ZNF398: variants seen among roughly 807,000 people sequenced by gnomAD.
ZNF398 encodes the protein zinc finger protein 398.
Under a neutral mutation model 41.9 loss-of-function variants are expected in ZNF398, and 18 were observed. The observed-to-expected ratio is 0.43, with a 90% CI of 0.30 to 0.64. The LOEUF (loss-of-function observed/expected upper bound fraction) is 0.64, where lower values mean the gene tolerates loss of function less well. Among genes scored for constraint, ZNF398 ranks in the 30% least tolerant of loss-of-function variants. The pLI, the probability that ZNF398 is intolerant of heterozygous loss-of-function variation, is 0.14. For missense variants in ZNF398, 669 were observed against 822.8 expected (o/e 0.81, Z 2.29); for synonymous variants, 260 against 308.8 (o/e 0.84, Z 1.66).
intron 2 of ZNF398, among the ~76,000 whole-genome samples, chr7:149,164,102 A>G (rs1414778948): frequency 6.6e-6 from 1 of 150,894 alleles, no homozygotes; most frequent in Non-Finnish European, 1.5e-5. Context: ...ATGGAGCAAG[A>G]CTCCATCTTA....
intron 1 of ZNF398, among the ~76,000 whole-genome samples, chr7:149,127,044 G>A (rs561098287): frequency 6.6e-5 from 10 of 152,348 alleles, no homozygotes; most frequent in African/African-American, 2.4e-4. Flanking sequence ...AGCCCCCGGC[G>A]GGAGACTGTG....
chr7:149,143,202 T>A (rs1212878153), upstream of ZNF398, among the ~76,000 whole-genome samples: 3 of 152,288 alleles, frequency 2.0e-5, no homozygotes, highest in East Asian at 5.8e-4. Context: ...TTTGAAACTG[T>A]CTTGTTTTAC....
chr7:149,179,466 C>G lies in ZNF398; in HGVS notation c.1594C>G (p.Leu532Val), dbSNP rs1005437657. The change falls in exon 6 of 6, where the codon CTG (leucine) becomes GTG (valine). Residue 532 changes from leucine to valine, a missense_variant. Physicochemically the swap from Leu to Val is conservative, Grantham distance 32 (BLOSUM62 1). Coordinates refer to ENST00000475153, the MANE Select transcript of ZNF398 (RefSeq NM_170686.3). The surrounding 1 kb of genome is among the most constrained non-coding windows in gnomAD (Gnocchi z 6.1). ...GGAGCACCTGCTGAACCACCGGCGG[C>G]TGCACACAGGCGAGCGGCCCTTCAG... ...RKEHLLNHRR[L>V]HTGERPFSCP... 6.2e-7 allele frequency: 1 copy of G among 1,613,994 alleles called. No individual in the cohort carries two copies. The highest frequency in any genetic ancestry group is 8.5e-7 in the Non-Finnish European group (1 of 1,180,020).
Position 149,147,893 on chromosome 7 carries a change from G to T in ZNF398, c.24+127G>T. On this transcript the variant is annotated intron_variant, in intron 1 of 5. Transcript: ENST00000475153. This position sits in a 1 kb window ranked among gnomAD's most constrained non-coding sequence, Gnocchi z 5.6. ...GGTCCCGCCGGCCACGTCGCCTGTC[G>T]CCCGTGCTTGGCGGCTGCAGCCTCG... 8.7e-7 allele frequency: 1 copy of T among 1,148,848 alleles called. No homozygotes were observed. The highest frequency in any genetic ancestry group is 1.1e-6 in the Non-Finnish European group (1 of 897,874). The allele number at this position is 1,148,848 out of a possible 1,614,324, so 71.2% of individuals were successfully genotyped here. A position where few individuals can be genotyped will look rare whatever the true frequency, so the allele number is the denominator to read the frequency against.
intron 2 of ZNF398, among the ~76,000 whole-genome samples, chr7:149,141,971 CAG>C (rs1826835454): frequency 6.6e-6 from 1 of 152,042 alleles, no homozygotes; most frequent in African/African-American, 2.4e-5. Flanking sequence ...TTGTTTAAGA[CAG>C]GGTCTCGCTT....
intron 2 of ZNF398, among the ~76,000 whole-genome samples, chr7:149,137,594 C>T (rs983280558): frequency 2.6e-5 from 4 of 152,036 alleles, no homozygotes; most frequent in African/African-American, 9.7e-5. Context: ...ATTGGTCAGG[C>T]TGGTCTTGAA....
intron 2 of ZNF398, among the ~76,000 whole-genome samples, chr7:149,131,256 C>CTTA (rs1394307887): frequency 9.2e-5 from 14 of 152,154 alleles, no homozygotes; most frequent in Non-Finnish European, 1.9e-4. Flanking sequence ...ACAAAAAATT[C>CTTA]TTATTACGTG....
chr7:149,177,502 G>GCCACAATTGTATC (rs891922826), intron 5 of ZNF398, among the ~76,000 whole-genome samples: 1 of 152,192 alleles, frequency 6.6e-6, no homozygotes, highest in Non-Finnish European at 1.5e-5. Context: ...AGGGCATAAA[G>GCCACAATTGTATC]CCACAATTGT....
chr7:149,161,959 T>C (rs1795113521), intron 2 of ZNF398, among the ~76,000 whole-genome samples: 1 of 152,132 alleles, frequency 6.6e-6, no homozygotes, highest in Non-Finnish European at 1.5e-5. Context: ...TCTGAAACAC[T>C]AGGAAGAAGA....
chr7:149,127,601 C>G (rs1826512688), intron 1 of ZNF398, among the ~76,000 whole-genome samples: 1 of 148,832 alleles, frequency 6.7e-6, no homozygotes, highest in Non-Finnish European at 1.5e-5. Flanking sequence ...CCTGTAGTCC[C>G]AGCTCCTAGG....
At position 149,179,441 on chromosome 7, in the gene ZNF398, G is replaced by A; in HGVS notation, c.1569G>A (p.Lys523=). ...CTDCSKSFMR[K]EHLLNHRRLH... is the part of the protein sequence containing the mutation. ...ACTGCAGTAAGAGCTTCATGCGCAA[G>A]GAGCACCTGCTGAACCACCGGCGGC... Residue 523 remains lysine, a synonymous_variant, in exon 6 of 6, where the codon AAG becomes AAA. Coordinates refer to ENST00000475153, the MANE Select transcript of ZNF398 (RefSeq NM_170686.3). The surrounding 1 kb of genome is among the most constrained non-coding windows in gnomAD (Gnocchi z 6.1). 1.2e-6 allele frequency: 2 copies of A among 1,614,044 alleles called. No homozygotes were observed. Among genetic ancestry groups the A allele is most frequent in the Non-Finnish European group, 1.7e-6 (2 of 1,180,036 alleles).
intron 2 of ZNF398, among the ~76,000 whole-genome samples, chr7:149,163,059 C>T (rs79115977): frequency 1.3e-3 from 195 of 152,284 alleles, no homozygotes; most frequent in African/African-American, 4.2e-3. Context: ...AGTTAGAAAA[C>T]GTCCTAAGAA....
intron 4 of ZNF398, among the ~76,000 whole-genome samples, chr7:149,171,590 T>A (rs1329201255): frequency 6.6e-6 from 1 of 152,086 alleles, no homozygotes; most frequent in African/African-American, 2.4e-5. Context: ...CAGGCTGGTC[T>A]CAAATTCCTG....
chr7:149,143,616 C>T (rs1358033477), upstream of ZNF398, among the ~76,000 whole-genome samples: 1 of 152,176 alleles, frequency 6.6e-6, no homozygotes, highest in Non-Finnish European at 1.5e-5. Context: ...TAGTTCGAGA[C>T]CAGCCTGGCC....
chr7:149,161,625 G>C (rs1403326663), intron 2 of ZNF398, among the ~76,000 whole-genome samples: 1 of 152,124 alleles, frequency 6.6e-6, no homozygotes, highest in Non-Finnish European at 1.5e-5. Flanking sequence ...GATTCTGAAT[G>C]CCTAACATAC....
At chr7:149,143,142 A>AAAAAGAAAAG (rs10634333), upstream of ZNF398, among the ~76,000 whole-genome samples, 6 of 150,702 alleles carry the variant, frequency 4.0e-5, no homozygotes, top group African/African-American at 9.7e-5. Context: ...CTCCATCTCA[A>AAAAAGAAAAG]AAAAGAAAAG....
intron 4 of ZNF398, among the ~76,000 whole-genome samples, chr7:149,170,297 GCTATATAGTATAGCCTATTGCTT>G (rs1563164731): frequency 1.3e-5 from 2 of 152,116 alleles, no homozygotes; most frequent in African/African-American, 4.8e-5. Flanking sequence ...ATGTACCTAG[GCTATATAGTATAGCCTATTGCTT>G]CTAGGCTACA....
chr7:149,164,983 A>C (rs1795196032), intron 2 of ZNF398, among the ~76,000 whole-genome samples: 1 of 151,844 alleles, frequency 6.6e-6, no homozygotes, highest in African/African-American at 2.4e-5. Flanking sequence ...AATCCTGGCT[A>C]CTTGGGAGGC....
At chr7:149,173,673 T>C (rs2129521595) in intron 4 of ZNF398, among the ~76,000 whole-genome samples, 1 of 152,324 alleles carries the variant, frequency 6.6e-6, no homozygotes, top group East Asian at 1.9e-4. Flanking sequence ...TGAGCAGTAG[T>C]TCTGAACAGT....
Sources: allele counts gnomAD v4.1 joint callset (sites outside exome capture counted in the v4.1 genomes callset), GRCh38; gene constraint gnomAD v4.1.1; non-coding constraint Gnocchi (gnomAD v3.1); transcripts MANE v1.5; gene names NCBI Gene and HGNC (gene_info 2026-07-23, HGNC 2026-07-21).